Variants in CACNA2D3 observed in about 807,000 individuals in gnomAD.
CACNA2D3 encodes voltage-dependent calcium channel subunit alpha-2/delta-3.
CACNA2D3 carries 60 observed loss-of-function variants against 160.6 expected under a neutral mutation model. The ratio of observed to expected loss-of-function variants is 0.37; its 90% CI spans 0.30 to 0.46. The LOEUF (loss-of-function observed/expected upper bound fraction) is 0.46. Ranked by LOEUF, CACNA2D3 falls within the 20% of genes least tolerant of loss-of-function variation. CACNA2D3 has a pLI of 1.00. For synonymous variants in CACNA2D3, 558 were observed against 492.9 expected, an observed-to-expected ratio of 1.13 and a Z score of -1.75; for missense variants, 1,205 against 1,365.0, an observed-to-expected ratio of 0.88 and a Z score of 1.85.
intron 2 of CACNA2D3, among the ~76,000 whole-genome samples, chr3:54,232,409 T>C (rs1280208549): frequency 6.6e-6 from 1 of 152,172 alleles, no homozygotes; most frequent in East Asian, 1.9e-4. Flanking sequence ...CTCATGTCAA[T>C]ACCACTTATT....
chr3:54,477,162 A>G (rs1001834867), intron 4 of CACNA2D3, among the ~76,000 whole-genome samples: 2 of 152,164 alleles, frequency 1.3e-5, no homozygotes, highest in African/African-American at 2.4e-5. Context: ...GATAATTCTC[A>G]TGGGGTATTA....
chr3:54,771,256 C>T (rs1196654903), intron 13 of CACNA2D3, among the ~76,000 whole-genome samples: 1 of 152,186 alleles, frequency 6.6e-6, no homozygotes, highest in Non-Finnish European at 1.5e-5. Context: ...GGGTCAGCAT[C>T]ACCTGTATGG....
intron 14 of CACNA2D3, among the ~76,000 whole-genome samples, chr3:54,829,800 A>G (rs1703828476): frequency 6.6e-6 from 1 of 150,804 alleles, no homozygotes; most frequent in Non-Finnish European, 1.5e-5. Flanking sequence ...TGCATTTGAG[A>G]AAGTGGGTGT....
chr3:54,885,178 C>G, intron 21 of CACNA2D3, 103 bp from the exon 22 acceptor site: 1 of 1,191,978 alleles, frequency 8.4e-7, no homozygotes. Context: ...GGGTTGATGT[C>G]TACCCTTAAC....
chr3:54,796,395 T>C (rs1702866466), intron 13 of CACNA2D3, among the ~76,000 whole-genome samples: 1 of 152,158 alleles, frequency 6.6e-6, no homozygotes, highest in Non-Finnish European at 1.5e-5. Context: ...TTGTGTGAGT[T>C]CTCATTGTTA....
intron 3 of CACNA2D3, among the ~76,000 whole-genome samples, chr3:54,358,644 C>G (rs1698690660): frequency 6.6e-6 from 1 of 152,234 alleles, no homozygotes; most frequent in Non-Finnish European, 1.5e-5. Flanking sequence ...TCCCTGCTGG[C>G]TGTGGCTTCT....
chr3:54,430,311 A>G (rs1199420267), intron 4 of CACNA2D3, among the ~76,000 whole-genome samples: 1 of 152,164 alleles, frequency 6.6e-6, no homozygotes, highest in African/African-American at 2.4e-5. Context: ...AACATTACTG[A>G]TATGTTCCCT....
intron 5 of CACNA2D3, among the ~76,000 whole-genome samples, chr3:54,552,252 C>T (rs1702170596): frequency 6.6e-6 from 1 of 152,120 alleles, no homozygotes; most frequent in Non-Finnish European, 1.5e-5. Flanking sequence ...TCCATCCTGC[C>T]CTCTTTAATG....
intron 9 of CACNA2D3, among the ~76,000 whole-genome samples, chr3:54,603,181 G>A (rs1299468003): frequency 6.6e-6 from 1 of 152,230 alleles, no homozygotes; most frequent in Non-Finnish European, 1.5e-5. Flanking sequence ...TGGACTCAGA[G>A]GGCGCTGGCC....
intron 4 of CACNA2D3, among the ~76,000 whole-genome samples, chr3:54,453,063 C>T (rs76900188): frequency 0.02 from 3,080 of 152,188 alleles, 41 homozygotes; most frequent in Non-Finnish European, 0.033. Context: ...ATGATCACAG[C>T]TGTCTGTAGC....
At chr3:54,819,082 A>G (rs536417308) in intron 14 of CACNA2D3, among the ~76,000 whole-genome samples, 31 of 141,070 alleles carry the variant, frequency 2.2e-4, no homozygotes, top group African/African-American at 8.0e-4. Context: ...GTATTACCTC[A>G]GTGACACTTG....
chr3:54,804,676 G>C (rs896464353), intron 13 of CACNA2D3, among the ~76,000 whole-genome samples: 4 of 152,110 alleles, frequency 2.6e-5, no homozygotes, highest in African/African-American at 9.7e-5. Context: ...CTCAGGAATT[G>C]AACTCAGCTC....
intron 3 of CACNA2D3, among the ~76,000 whole-genome samples, chr3:54,337,842 A>G (rs1414668791): frequency 1.3e-5 from 2 of 152,224 alleles, no homozygotes; most frequent in Non-Finnish European, 2.9e-5. Context: ...AGAAAGATGC[A>G]CAACTCCACG....
At chr3:54,691,318 TC>T (rs1171248694) in intron 11 of CACNA2D3, among the ~76,000 whole-genome samples, 1 of 152,170 alleles carries the variant, frequency 6.6e-6, no homozygotes, top group Non-Finnish European at 1.5e-5. Flanking sequence ...GATATTCTGG[TC>T]AAATTTCAGC....
At chr3:54,920,334 A>G in intron 27 of CACNA2D3, among the ~76,000 whole-genome samples, 1 of 152,188 alleles carries the variant, frequency 6.6e-6, no homozygotes, top group East Asian at 1.9e-4. Flanking sequence ...GGTGGCCCCA[A>G]CACACCAGGG....
intron 13 of CACNA2D3, among the ~76,000 whole-genome samples, chr3:54,767,566 G>A (rs1018978397): frequency 2.0e-5 from 3 of 152,114 alleles, no homozygotes; most frequent in Admixed American, 2.0e-4. Flanking sequence ...GTAGCAATGA[G>A]CCCATCCAGT....
rs557737973 is a variant in CACNA2D3, at chr3:54,282,793, A to G, written c.205-37649A>G. Among the ~76,000 whole-genome samples the G allele has an allele frequency of 5.2e-4, 79 of 152,258 alleles. 1 individual carries two copies. The highest frequency in any genetic ancestry group is 1.9e-3 in the African/African-American group (77 of 41,530). ...GTTTCAATGTGAGAGAATAAAAGAC[A>G]TCACTTTCTGTAGGAATTAGCCCTC... On this transcript the variant is annotated intron_variant, in intron 2 of 37. Transcript: ENST00000474759.
At chr3:54,159,458 C>A (rs1433774057) in intron 2 of CACNA2D3, among the ~76,000 whole-genome samples, 8 of 152,006 alleles carry the variant, frequency 5.3e-5, no homozygotes, top group Non-Finnish European at 1.5e-5. Context: ...GAAAAAAATT[C>A]TAAATTTTAA....
rs72876027 is a variant in CACNA2D3 at position 54,879,581 on chromosome 3, G to C, written c.1844+170G>C. 8.2e-3 allele frequency among the ~76,000 whole-genome samples: 1,253 copies of C among 152,200 alleles called. 17 individuals are homozygous for C. The highest frequency in any genetic ancestry group is 0.026 in the African/African-American group (1,082 of 41,502). Reference sequence around the variant, plus strand: ...CCAGGCTGCTTTTGTTTTCCAGAAGGGGGGGAGATGGTTCAGGCTCACCTA... The same window carrying C: ...CCAGGCTGCTTTTGTTTTCCAGAAGCGGGGGAGATGGTTCAGGCTCACCTA... On this transcript the variant is annotated intron_variant, in intron 20 of 37. Transcript: ENST00000474759.
Sources: gnomAD v4.1 joint callset for allele counts (sites outside exome capture counted in the v4.1 genomes callset) on GRCh38, gnomAD v4.1.1 for gene constraint, MANE v1.5 for transcripts, NCBI Gene and HGNC (gene_info 2026-07-23, HGNC 2026-07-21) for gene names.